BNC2: variants seen among roughly 807,000 people sequenced by gnomAD.
The protein encoded by BNC2 is zinc finger protein basonuclin-2.
In BNC2, 20 loss-of-function variants were observed where a neutral mutation model predicts 76.3. The observed-to-expected ratio is 0.26, with a 90% confidence interval of 0.18 to 0.38. BNC2 has a LOEUF of 0.38. Ranked by LOEUF, BNC2 falls within the 10% of genes least tolerant of loss-of-function variation. BNC2 has a pLI of 1.00. For missense variants in BNC2, 1,382 were observed against 1,399.8 expected, an observed-to-expected ratio of 0.99 and a Z score of 0.20; for synonymous variants, 582 against 514.8, an observed-to-expected ratio of 1.13 and a Z score of -1.77.
At chr9:16,493,461 C>T (rs1822319963) in intron 5 of BNC2, among the ~76,000 whole-genome samples, 1 of 152,110 alleles carries the variant, frequency 6.6e-6, no homozygotes, top group African/African-American at 2.4e-5. Flanking sequence ...TCTTGAGCAC[C>T]TACTGTAATA....
Position 16,410,547 on chromosome 9 carries a change from A to T in BNC2, c.*8442T>A, listed in dbSNP as rs1820438074. ...GCACAGGAAAGCAAATGCACCATAT[A>T]CTAGAAATCTTAGATAGTCTTATCA... is the stretch of plus-strand genomic sequence containing the variant. On this transcript the variant is annotated 3_prime_UTR_variant, in exon 7 of 7. Coordinates refer to ENST00000380672, the MANE Select transcript of BNC2 (RefSeq NM_017637.6). 1 of 152,634 alleles carries T rather than the reference A, an allele frequency of 6.6e-6. No individual in the cohort carries two copies. The highest frequency in any genetic ancestry group is 6.5e-5 in the Admixed American group (1 of 15,282). The allele number at this position is 152,634 out of a possible 1,614,324, so 9.5% of individuals were successfully genotyped here. A position where few individuals can be genotyped will look rare whatever the true frequency, so the allele number is the denominator to read the frequency against.
rs543030315 is a variant in BNC2, at chr9:16,481,477, T to C, written c.670-43953A>G. On this transcript the variant is annotated intron_variant, in intron 5 of 6. Coordinates refer to ENST00000380672, the MANE Select transcript of BNC2 (RefSeq NM_017637.6). ...GAAGCCAGCGAGACCACGAGCCCAC[T>C]AGAAGGAAGAAACTCCAAACACATC... Among the ~76,000 whole-genome samples the C allele has an allele frequency of 1.3e-4, 20 of 151,960 alleles. No individual in the cohort carries two copies. In the South Asian group the frequency reaches 1.5e-3, roughly 11 times the overall value.
chr9:16,589,273 C>A (rs936184252), intron 3 of BNC2, among the ~76,000 whole-genome samples: 2 of 151,976 alleles, frequency 1.3e-5, no homozygotes, highest in Non-Finnish European at 2.9e-5. Context: ...GCAACCTCTG[C>A]CTCTTGGGCT....
At chr9:16,477,296 G>A (rs1383117113) in intron 5 of BNC2, among the ~76,000 whole-genome samples, 1 of 151,986 alleles carries the variant, frequency 6.6e-6, no homozygotes, top group East Asian at 1.9e-4. Context: ...TGCAGCTTCG[G>A]AATACTCTTT....
In BNC2 at chr9:16,766,995, G is replaced by C. The variant is rs371072468; in HGVS notation, c.4-28510C>G. ...TAACAATTTTTAAAGTCACCATTAA[G>C]AAGAGACTGGACAAAGGGTTTTGAC... On this transcript the variant is annotated intron_variant, in intron 1 of 6. Coordinates refer to ENST00000380672, the MANE Select transcript of BNC2 (RefSeq NM_017637.6). Among the ~76,000 whole-genome samples the C allele has an allele frequency of 2.9e-4, 44 of 152,354 alleles. No individual in the cohort carries two copies. In the South Asian group the frequency reaches 8.9e-3, roughly 31 times the overall value.
At chr9:16,592,123 C>A (rs1048991181) in intron 3 of BNC2, among the ~76,000 whole-genome samples, 3 of 151,322 alleles carry the variant, frequency 2.0e-5, no homozygotes, top group Admixed American at 6.6e-5. Context: ...CCCCTCCCCC[C>A]AAAAAAAACC....
chr9:16,858,608 G>C (rs919504828), intron 1 of BNC2, among the ~76,000 whole-genome samples: 2 of 152,146 alleles, frequency 1.3e-5, no homozygotes, highest in South Asian at 2.1e-4. Flanking sequence ...ACTTTGGGAG[G>C]CCGAGGCGGG....
chr9:16,788,506 TGA>T (rs1826371402), intron 1 of BNC2, among the ~76,000 whole-genome samples: 1 of 145,206 alleles, frequency 6.9e-6, no homozygotes, highest in Non-Finnish European at 1.5e-5. Flanking sequence ...TGAGCCGAGA[TGA>T]CGCCACTGCA....
chr9:16,637,125 T>C (rs1258102880), intron 3 of BNC2, among the ~76,000 whole-genome samples: 2 of 152,016 alleles, frequency 1.3e-5, no homozygotes, highest in African/African-American at 2.4e-5. Context: ...TTTCCTACCA[T>C]ACCCTTATGG....
chr9:16,866,105 T>C (rs1819537231), intron 1 of BNC2, among the ~76,000 whole-genome samples: 1 of 152,140 alleles, frequency 6.6e-6, no homozygotes, highest in East Asian at 1.9e-4. Flanking sequence ...TAAAAACTAG[T>C]ATATAAATAT....
chr9:16,748,373 C>T (rs1313599499), intron 1 of BNC2, among the ~76,000 whole-genome samples: 2 of 151,824 alleles, frequency 1.3e-5, no homozygotes, highest in Non-Finnish European at 2.9e-5. Context: ...ATTAGTTGGG[C>T]ATGGTGGTAC....
chr9:16,585,670 C>G (rs1386650221), intron 3 of BNC2, among the ~76,000 whole-genome samples: 2 of 152,144 alleles, frequency 1.3e-5, no homozygotes, highest in Non-Finnish European at 2.9e-5. Context: ...CAAAATAGAA[C>G]CAACGTGATC....
chr9:16,725,514 A>C (rs1055641811), intron 3 of BNC2, among the ~76,000 whole-genome samples: 17 of 152,048 alleles, frequency 1.1e-4, no homozygotes, highest in Non-Finnish European at 8.8e-5. Flanking sequence ...ACTACATCAA[A>C]ACCAAAAAAA....
intron 3 of BNC2, among the ~76,000 whole-genome samples, chr9:16,594,613 A>T (rs1357504783): frequency 6.6e-6 from 1 of 152,216 alleles, no homozygotes; most frequent in East Asian, 1.9e-4. Flanking sequence ...CTGATTACCC[A>T]GGCCAATTGA....
chr9:16,442,906 G>C (rs559086743), intron 5 of BNC2, among the ~76,000 whole-genome samples: 6 of 151,794 alleles, frequency 4.0e-5, no homozygotes, highest in Non-Finnish European at 5.9e-5. Flanking sequence ...AGGAATTCAA[G>C]ACCAGCCTGG....
intron 3 of BNC2, among the ~76,000 whole-genome samples, chr9:16,652,034 G>A (rs1285136092): frequency 6.6e-6 from 1 of 152,082 alleles, no homozygotes; most frequent in African/African-American, 2.4e-5. Flanking sequence ...CATTTTATAA[G>A]TGGAATATCC....
rs1819496630 is a variant in BNC2 at position 16,576,762 on chromosome 9, G to A, written c.433+6221C>T. Among the ~76,000 whole-genome samples the A allele has an allele frequency of 1.3e-5, 2 of 152,112 alleles. 1 individual carries two copies. The highest frequency in any genetic ancestry group is 4.1e-4 in the South Asian group (2 of 4,828). On this transcript the variant is annotated intron_variant, in intron 4 of 6. Coordinates refer to ENST00000380672, the MANE Select transcript of BNC2 (RefSeq NM_017637.6). ...CTTTTTTTGTTGTTGTTGTTGAGATGGAGTCTCGCTCTGTCGCCATGCTGG... is the reference window on the plus strand; with the variant it reads ...CTTTTTTTGTTGTTGTTGTTGAGATAGAGTCTCGCTCTGTCGCCATGCTGG...
chr9:16,616,782 AGGAAGGAG>A (rs762729712), intron 3 of BNC2, among the ~76,000 whole-genome samples: 1 of 130,596 alleles, frequency 7.7e-6, no homozygotes, highest in East Asian at 2.5e-4. Context: ...AGGGGAGGGG[AGGAAGGAG>A]GGAAGGAAGG....
intron 1 of BNC2, among the ~76,000 whole-genome samples, chr9:16,839,474 T>G (rs1818777471): frequency 6.6e-6 from 1 of 152,178 alleles, no homozygotes; most frequent in Non-Finnish European, 1.5e-5. Flanking sequence ...TATTAAGCAA[T>G]GATAAACATT....
Sources: gnomAD v4.1 joint callset for allele counts (sites outside exome capture counted in the v4.1 genomes callset) on GRCh38, gnomAD v4.1.1 for gene constraint, MANE v1.5 for transcripts, NCBI Gene and HGNC (gene_info 2026-07-23, HGNC 2026-07-21) for gene names.